Variants in CFDP1 observed in about 807,000 individuals in gnomAD.
CFDP1 encodes the protein heterochromatin-stabilizing protein CFDP1.
Under a neutral mutation model 40.1 loss-of-function variants are expected in CFDP1, and 31 were observed. That is an observed-to-expected ratio of 0.77 (90% CI 0.58 to 1.04). The LOEUF (loss-of-function observed/expected upper bound fraction) is 1.04, where lower values mean the gene tolerates loss of function less well. Among genes scored for constraint, CFDP1 ranks in the 50% least tolerant of loss-of-function variants. The pLI is 0.00. For synonymous variants in CFDP1, 167 were observed against 120.0 expected, an observed-to-expected ratio of 1.39 and a Z score of -2.56; for missense variants, 423 against 343.4, an observed-to-expected ratio of 1.23 and a Z score of -1.83.
At chr16:75,393,282 T>C (rs2078967699) in intron 5 of CFDP1, among the ~76,000 whole-genome samples, 1 of 152,162 alleles carries the variant, frequency 6.6e-6, no homozygotes, top group South Asian at 2.1e-4. Context: ...TTTCCTCTCT[T>C]GTACCTCTCT....
chr16:75,314,030 G>C (rs1397603818), intron 5 of CFDP1, among the ~76,000 whole-genome samples: 1 of 152,020 alleles, frequency 6.6e-6, no homozygotes, highest in Non-Finnish European at 1.5e-5. Context: ...GGTTACAGGT[G>C]ACCGCTACCA....
chr16:75,365,952 G>A (rs2078710948), intron 5 of CFDP1, among the ~76,000 whole-genome samples: 1 of 152,190 alleles, frequency 6.6e-6, no homozygotes, highest in Non-Finnish European at 1.5e-5. Context: ...GTAAAATGGT[G>A]TGACCACTTT....
chr16:75,317,095 G>C (rs1240054411), intron 5 of CFDP1, among the ~76,000 whole-genome samples: 1 of 152,272 alleles, frequency 6.6e-6, no homozygotes, highest in Admixed American at 6.5e-5. Context: ...GATTGGACAG[G>C]CAAGTGGCGA....
intron 4 of CFDP1, among the ~76,000 whole-genome samples, chr16:75,406,959 T>C (rs530841157): frequency 3.9e-5 from 6 of 152,314 alleles, no homozygotes; most frequent in African/African-American, 1.2e-4. Flanking sequence ...AGGCGGAGGT[T>C]GCAGTGAGCT....
At chr16:75,411,602 G>C (rs973545312) in intron 4 of CFDP1, among the ~76,000 whole-genome samples, 2 of 152,114 alleles carry the variant, frequency 1.3e-5, no homozygotes, top group Non-Finnish European at 2.9e-5. Flanking sequence ...CCTTGCTTCT[G>C]TTCAGCTGAG....
At chr16:75,313,894 G>GC (rs1555553187) in intron 5 of CFDP1, among the ~76,000 whole-genome samples, 3 of 150,712 alleles carry the variant, frequency 2.0e-5, no homozygotes, top group Non-Finnish European at 4.4e-5. Flanking sequence ...ACTGTTTTTT[G>GC]TTTTTTTTTA....
At chr16:75,319,181 T>A (rs1382781911) in intron 5 of CFDP1, among the ~76,000 whole-genome samples, 1 of 152,116 alleles carries the variant, frequency 6.6e-6, no homozygotes, top group Non-Finnish European at 1.5e-5. Context: ...GTAGCTGGGA[T>A]TACAGGCACA....
rs372490002 is a variant in CFDP1, at chr16:75,322,149, T to C, written c.651-16967A>G. 2.0e-4 allele frequency among the ~76,000 whole-genome samples: 30 copies of C among 152,372 alleles called. No homozygotes were observed. The South Asian group carries it at 5.8e-3, about 29-fold the overall frequency. On this transcript the variant is annotated intron_variant, in intron 5 of 6. Coordinates refer to ENST00000283882, the MANE Select transcript of CFDP1 (RefSeq NM_006324.3). ...TATTAAACTTTCCTAATTTGTTTTC[T>C]ACATGATGGTCATGCATACATTTTG...
At chr16:75,433,139 G>C in intron 1 of CFDP1, 150 bp downstream of exon 1, 2 of 704,450 alleles carry the variant, frequency 2.8e-6, no homozygotes, top group Non-Finnish European at 4.7e-6. Context: ...GAGCGGCCGA[G>C]GATGAGGGGC....
chr16:75,305,749 C>T (rs1279405491), intron 5 of CFDP1, among the ~76,000 whole-genome samples: 2 of 152,142 alleles, frequency 1.3e-5, no homozygotes, highest in Non-Finnish European at 2.9e-5. Flanking sequence ...GAAAGAGAAC[C>T]AGTTCCCAAC....
In CFDP1 at chr16:75,426,977, C is replaced by T. The variant is rs181037909; in HGVS notation, c.64+6312G>A. Among the ~76,000 whole-genome samples the T allele has an allele frequency of 8.4e-3, 1,279 of 151,500 alleles. 12 individuals are homozygous for T. Among genetic ancestry groups the T allele is most frequent in the Non-Finnish European group, 9.8e-3 (669 of 67,922 alleles). On this transcript the variant is annotated intron_variant, in intron 1 of 6. Transcript: ENST00000283882. The stretch of plus-strand genomic sequence containing the variant: ...GGCTGAGGCAGGAGAATCGCTTGAA[C>T]CCGGGAGGTGGAGGTTGTGGTGAGC...
Position 75,433,450 on chromosome 16 carries a change from A to C in CFDP1, c.-98T>G. On this transcript the variant is annotated 5_prime_UTR_variant, in exon 1 of 7. Transcript: ENST00000283882. ...AGACCATAGAGCCCCGGCGGCGGCG[A>C]CGGCAGCTAGGGCGGCCCCCGACAG... The C allele has an allele frequency of 8.0e-7, 1 of 1,256,322 alleles. No individual in the cohort carries two copies. The allele number at this position is 1,256,322 out of a possible 1,614,324, so 77.8% of individuals were successfully genotyped here.
At chr16:75,302,320 G>A (rs2078226732) in intron 6 of CFDP1, among the ~76,000 whole-genome samples, 1 of 151,948 alleles carries the variant, frequency 6.6e-6, no homozygotes, top group African/African-American at 2.4e-5. Flanking sequence ...AAATGCACTG[G>A]TGCGATCAGA....
intron 4 of CFDP1, among the ~76,000 whole-genome samples, chr16:75,407,675 A>G (rs1004911756): frequency 3.5e-5 from 4 of 115,642 alleles, no homozygotes; most frequent in African/African-American, 1.3e-4. Context: ...AAAAAAAAGA[A>G]AAAAAAGAAT....
At chr16:75,420,442 G>T (rs2079265079) in intron 1 of CFDP1, among the ~76,000 whole-genome samples, 2 of 152,176 alleles carry the variant, frequency 1.3e-5, no homozygotes, top group Non-Finnish European at 2.9e-5. Flanking sequence ...CGCCATGAGG[G>T]AATAACCAGA....
At chr16:75,356,064 T>C (rs1375198469) in intron 5 of CFDP1, among the ~76,000 whole-genome samples, 6 of 152,232 alleles carry the variant, frequency 3.9e-5, no homozygotes, top group Admixed American at 3.9e-4. Context: ...CCTGTTCCTG[T>C]GGATATTTTG....
At chr16:75,350,823 C>A (rs572086778) in intron 5 of CFDP1, among the ~76,000 whole-genome samples, 2 of 152,148 alleles carry the variant, frequency 1.3e-5, no homozygotes, top group African/African-American at 4.8e-5. Flanking sequence ...TACCGTTAAT[C>A]CAAGATACGC....
chr16:75,334,729 C>T (rs938764944), intron 5 of CFDP1, among the ~76,000 whole-genome samples: 4 of 152,028 alleles, frequency 2.6e-5, no homozygotes, highest in Non-Finnish European at 4.4e-5. Flanking sequence ...CTGACGCAGG[C>T]GGATAACTGG....
At chr16:75,381,463 C>A (rs185964917) in intron 5 of CFDP1, among the ~76,000 whole-genome samples, 1 of 151,820 alleles carries the variant, frequency 6.6e-6, no homozygotes, top group African/African-American at 2.4e-5. Context: ...CAGTTAGGGG[C>A]TAGGGGGAAA....
Sources: gnomAD v4.1 joint callset for allele counts (sites outside exome capture counted in the v4.1 genomes callset) on GRCh38, gnomAD v4.1.1 for gene constraint, MANE v1.5 for transcripts, NCBI Gene and HGNC (gene_info 2026-07-23, HGNC 2026-07-21) for gene names.